The following PPP2R2B variants were observed in gnomAD, a reference collection of about 807,000 sequenced individuals.
PPP2R2B encodes the protein serine/threonine-protein phosphatase 2A 55 kDa regulatory subunit B beta isoform.
A neutral mutation model predicts 46.0 loss-of-function variants in PPP2R2B; 5 were observed. The observed-to-expected ratio is 0.11, with a 90% CI of 0.06 to 0.23. The LOEUF is 0.23. Among genes scored for constraint, PPP2R2B ranks in the 10% least tolerant of loss-of-function variants. The pLI is 1.00. For synonymous variants in PPP2R2B, 215 were observed against 206.7 expected (o/e 1.04, Z -0.34); for missense variants, 367 against 575.0 (o/e 0.64, Z 3.70).
At chr5:146,625,383 G>C (rs183687786) in intron 7 of PPP2R2B, among the ~76,000 whole-genome samples, 1 of 152,266 alleles carries the variant, frequency 6.6e-6, no homozygotes, top group East Asian at 1.9e-4. Context: ...ACTCTTTACT[G>C]TTGGCTTTTA....
intron 1 of PPP2R2B, chr5:147,055,606 A>T: frequency 6.9e-7 from 1 of 1,451,434 alleles, no homozygotes; most frequent in Non-Finnish European, 9.7e-7. Context: ...ACCCGTGGGA[A>T]GTCAGACACC....
At position 146,784,371 on chromosome 5, in the gene PPP2R2B, T is replaced by A. The variant is rs551294998; in HGVS notation, c.71-83229A>T. On this transcript the variant is annotated intron_variant, in intron 2 of 9. Transcript: ENST00000394411. ...CCATTATTTTAAAGTCAAGGATGTT[T>A]CCATATTACCTACAAAATAGATGTG... Among the ~76,000 whole-genome samples the A allele has an allele frequency of 2.6e-5, 4 of 152,336 alleles. No individual in the cohort carries two copies. The South Asian group carries it at 6.2e-4, about 24-fold the overall frequency.
chr5:146,896,887 A>G (rs1475990758), intron 1 of PPP2R2B, among the ~76,000 whole-genome samples: 1 of 152,180 alleles, frequency 6.6e-6, no homozygotes, highest in African/African-American at 2.4e-5. Flanking sequence ...CTTTAAAACT[A>G]AAGTTCCAGG....
chr5:146,928,691 T>A (rs1763869076), intron 1 of PPP2R2B, among the ~76,000 whole-genome samples: 1 of 152,138 alleles, frequency 6.6e-6, no homozygotes, highest in Non-Finnish European at 1.5e-5. Context: ...CCCAGAGTGA[T>A]CCTTAAACCC....
chr5:146,924,450 T>C (rs895801453), intron 1 of PPP2R2B, among the ~76,000 whole-genome samples: 3 of 152,246 alleles, frequency 2.0e-5, no homozygotes, highest in Admixed American at 6.5e-5. Context: ...TTGTGAAGGA[T>C]GGGCCCTTCC....
At chr5:146,926,694 C>A (rs1333937795) in intron 1 of PPP2R2B, among the ~76,000 whole-genome samples, 1 of 152,146 alleles carries the variant, frequency 6.6e-6, no homozygotes, top group African/African-American at 2.4e-5. Context: ...GGTAGAGGAG[C>A]ATATACAAAG....
chr5:146,606,974 C>G (rs1222895666), intron 7 of PPP2R2B: 1 of 152,166 alleles, frequency 6.6e-6, no homozygotes, highest in Non-Finnish European at 1.5e-5. Context: ...TACAGGGAAG[C>G]ACGGCTGGCA....
chr5:146,693,190 C>T (rs550771725), intron 4 of PPP2R2B, among the ~76,000 whole-genome samples: 52 of 151,032 alleles, frequency 3.4e-4, no homozygotes, highest in Non-Finnish European at 6.2e-4. Flanking sequence ...CCTTCCCTTC[C>T]TCTCTCCTTT....
At chr5:146,883,685 G>A (rs919306998), upstream of PPP2R2B, among the ~76,000 whole-genome samples, 5 of 152,150 alleles carry the variant, frequency 3.3e-5, no homozygotes, top group Non-Finnish European at 7.3e-5. Context: ...TGGTTTACGT[G>A]CTGTCTAGAG....
chr5:146,938,362 T>G (rs953042320), intron 1 of PPP2R2B, among the ~76,000 whole-genome samples: 9 of 152,194 alleles, frequency 5.9e-5, no homozygotes, highest in South Asian at 2.1e-4. Flanking sequence ...ATTCCCTGGT[T>G]GACATGAGAG....
intron 2 of PPP2R2B, among the ~76,000 whole-genome samples, chr5:146,836,832 T>C (rs1377300437): frequency 6.6e-6 from 1 of 152,214 alleles, no homozygotes; most frequent in Admixed American, 6.5e-5. Context: ...GTTGACTTTT[T>C]GACAATTTGC....
chr5:146,641,503 ATTTTTT>A (rs61445378), intron 6 of PPP2R2B, among the ~76,000 whole-genome samples: 4 of 128,556 alleles, frequency 3.1e-5, no homozygotes, highest in Non-Finnish European at 3.2e-5. Flanking sequence ...GTGCTCTAAG[ATTTTTT>A]TTTTTTTTTT....
intron 5 of PPP2R2B, among the ~76,000 whole-genome samples, chr5:146,686,221 A>G (rs1778492537): frequency 6.6e-6 from 1 of 152,226 alleles, no homozygotes. Context: ...GAGTTGCAGG[A>G]GAGAACAAAA....
chr5:146,803,203 G>C (rs1167293605), intron 2 of PPP2R2B, among the ~76,000 whole-genome samples: 1 of 152,080 alleles, frequency 6.6e-6, no homozygotes, highest in Non-Finnish European at 1.5e-5. Flanking sequence ...TTAAGTATTA[G>C]GAGATCAAAT....
At chr5:146,748,258 T>C (rs899442676) in intron 2 of PPP2R2B, among the ~76,000 whole-genome samples, 1 of 152,214 alleles carries the variant, frequency 6.6e-6, no homozygotes, top group Non-Finnish European at 1.5e-5. Context: ...CTTGTACTTT[T>C]TTTTTTAGAA....
intron 4 of PPP2R2B, 96 bp from the exon 5 acceptor site, chr5:146,691,336 T>G (rs1213533567): frequency 1.6e-5 from 14 of 899,814 alleles, no homozygotes; most frequent in Non-Finnish European, 2.3e-5. Flanking sequence ...GAGGTAAGGA[T>G]GGATAGAATT....
intron 1 of PPP2R2B, among the ~76,000 whole-genome samples, chr5:147,013,019 A>C (rs1348120824): frequency 4.6e-5 from 7 of 151,874 alleles, no homozygotes; most frequent in East Asian, 1.9e-4. Context: ...TTAAGCTGAT[A>C]AGCAACTTCA....
chr5:146,766,830 A>G (rs1561889962), intron 2 of PPP2R2B, among the ~76,000 whole-genome samples: 1 of 151,784 alleles, frequency 6.6e-6, no homozygotes, highest in Non-Finnish European at 1.5e-5. Context: ...AAGGCGGGAG[A>G]ATCACTTGAG....
chr5:146,926,793 C>A (rs1255376280), intron 1 of PPP2R2B, among the ~76,000 whole-genome samples: 2 of 152,110 alleles, frequency 1.3e-5, no homozygotes, highest in Admixed American at 1.3e-4. Context: ...TTGGGTAAAC[C>A]AGAAGCATAT....
Sources: gnomAD v4.1 joint callset for allele counts (sites outside exome capture counted in the v4.1 genomes callset) on GRCh38, gnomAD v4.1.1 for gene constraint, MANE v1.5 for transcripts, NCBI Gene and HGNC (gene_info 2026-07-23, HGNC 2026-07-21) for gene names.